The following DAAM1 variants were observed in gnomAD, a reference collection of about 807,000 sequenced individuals.
DAAM1 encodes the protein dishevelled associated activator of morphogenesis 1.
In DAAM1, 52 loss-of-function variants were observed where a neutral mutation model predicts 130.0. The observed-to-expected ratio is 0.40, with a 90% confidence interval of 0.32 to 0.50. DAAM1 has a LOEUF of 0.50. DAAM1 is among the 20% of genes least tolerant of loss of function. The pLI, the probability that DAAM1 is intolerant of heterozygous loss-of-function variation, is 0.61. For missense variants in DAAM1, 1,134 were observed against 1,303.8 expected, an observed-to-expected ratio of 0.87 and a Z score of 2.01; for synonymous variants, 452 against 444.5, an observed-to-expected ratio of 1.02 and a Z score of -0.21.
chr14:59,193,678 G>A (rs138074414), intron 1 of DAAM1, among the ~76,000 whole-genome samples: 1,770 of 152,238 alleles, frequency 0.012, 29 homozygotes, highest in Non-Finnish European at 0.014. Context: ...CTCAGCTTTG[G>A]TGAGCTTGTT....
chr14:59,220,009 G>C (rs1188784811), intron 1 of DAAM1, among the ~76,000 whole-genome samples: 3 of 152,080 alleles, frequency 2.0e-5, no homozygotes, highest in Non-Finnish European at 4.4e-5. Flanking sequence ...TATTGGTTTC[G>C]AAAAATACAG....
chr14:59,330,385 T>G, intron 12 of DAAM1, 116 bp from the exon 13 acceptor site: 1 of 935,148 alleles, frequency 1.1e-6, no homozygotes, highest in Non-Finnish European at 1.6e-6. Flanking sequence ...GAATAATATT[T>G]ACCTAATAAA....
intron 12 of DAAM1, among the ~76,000 whole-genome samples, chr14:59,327,241 T>C (rs1359533544): frequency 6.6e-6 from 1 of 152,094 alleles, no homozygotes; most frequent in East Asian, 1.9e-4. Context: ...TAGCATTTGC[T>C]GTTCAGTATT....
At chr14:59,341,881 A>C (rs1235640708) in intron 16 of DAAM1, among the ~76,000 whole-genome samples, 1 of 152,200 alleles carries the variant, frequency 6.6e-6, no homozygotes, top group Non-Finnish European at 1.5e-5. Context: ...GAGCTGTCAC[A>C]GAATTTCTAT....
chr14:59,357,571 G>A (rs1469910995), intron 20 of DAAM1, among the ~76,000 whole-genome samples: 1 of 152,206 alleles, frequency 6.6e-6, no homozygotes, highest in East Asian at 1.9e-4. Context: ...GAGGTCAGGA[G>A]ATGGAGACCA....
chr14:59,243,651 C>G (rs1881227582), intron 1 of DAAM1, among the ~76,000 whole-genome samples: 1 of 152,190 alleles, frequency 6.6e-6, no homozygotes, highest in African/African-American at 2.4e-5. Flanking sequence ...TCTTTCTGCA[C>G]AACAGCCTGG....
At chr14:59,299,209 A>G (rs1884076123) in intron 3 of DAAM1, among the ~76,000 whole-genome samples, 1 of 152,168 alleles carries the variant, frequency 6.6e-6, no homozygotes, top group Non-Finnish European at 1.5e-5. Flanking sequence ...TGTATGTGTA[A>G]TACAATTTTT....
chr14:59,313,449 A>C (rs949987849), intron 3 of DAAM1, among the ~76,000 whole-genome samples: 4 of 152,222 alleles, frequency 2.6e-5, no homozygotes, highest in Non-Finnish European at 5.9e-5. Context: ...AAACATTTCC[A>C]AACTGTAAAG....
intron 1 of DAAM1, among the ~76,000 whole-genome samples, chr14:59,197,814 G>C (rs1313529037): frequency 8.5e-5 from 13 of 152,156 alleles, no homozygotes; most frequent in Non-Finnish European, 5.9e-5. Context: ...TGGGCAGGGT[G>C]AGATGGCTGT....
At position 59,201,635 on chromosome 14, in the gene DAAM1, C is replaced by G. The variant is rs116230720; in HGVS notation, c.-38+12867C>G. Among the ~76,000 whole-genome samples, 1,018 of 151,936 alleles carry G rather than the reference C, an allele frequency of 6.7e-3. 16 individuals are homozygous for G. Among genetic ancestry groups the G allele is most frequent in the African/African-American group, 0.023 (955 of 41,446 alleles). Reference sequence around the variant, plus strand: ...CATCTCCACGCCCTGCCTCACCCCCCTTCTAAAAAAAAGTAGCTGAGCATA... The same window carrying G: ...CATCTCCACGCCCTGCCTCACCCCCGTTCTAAAAAAAAGTAGCTGAGCATA... On this transcript the variant is annotated intron_variant, in intron 1 of 24. Transcript: ENST00000360909.
chr14:59,322,983 C>T lies in DAAM1; in HGVS notation c.532C>T (p.His178Tyr). 6.2e-7 allele frequency: 1 copy of T among 1,614,168 alleles called. No individual in the cohort carries two copies. Among genetic ancestry groups the T allele is most frequent in the Non-Finnish European group, 8.5e-7 (1 of 1,180,018 alleles). ...CTACGAGACCTCAGAGTCTCGAATACATACTTCTCTCATTGGCTGTATAAA... is the reference window on the plus strand; with the variant it reads ...CTACGAGACCTCAGAGTCTCGAATATATACTTCTCTCATTGGCTGTATAAA... ...MDYETSESRI[H>Y]TSLIGCIKAL... Residue 178 changes from histidine (H) to tyrosine (Y), a missense_variant, in exon 6 of 25, where the codon CAT becomes TAT. Physicochemically the swap from His to Tyr is moderately conservative, Grantham distance 83 (BLOSUM62 2). Coordinates refer to ENST00000360909, the MANE Select transcript of DAAM1 (RefSeq NM_001270520.2).
chr14:59,275,692 A>G (rs1214613643), intron 2 of DAAM1, among the ~76,000 whole-genome samples: 1 of 152,252 alleles, frequency 6.6e-6, no homozygotes, highest in African/African-American at 2.4e-5. Flanking sequence ...AGCCAACTGA[A>G]TATAGTCTGC....
intron 17 of DAAM1, among the ~76,000 whole-genome samples, chr14:59,351,823 C>T (rs1886305046): frequency 6.6e-6 from 1 of 151,874 alleles, no homozygotes; most frequent in Admixed American, 6.6e-5. Flanking sequence ...GCATACACAT[C>T]CAAAACGTGT....
intron 2 of DAAM1, among the ~76,000 whole-genome samples, chr14:59,275,424 G>A (rs566083475): frequency 2.0e-5 from 3 of 151,806 alleles, no homozygotes; most frequent in Non-Finnish European, 2.9e-5. Flanking sequence ...CGTGTACCCC[G>A]AACTTAAAAG....
At chr14:59,219,234 C>T (rs1204964329) in intron 1 of DAAM1, among the ~76,000 whole-genome samples, 1 of 152,192 alleles carries the variant, frequency 6.6e-6, no homozygotes, top group Non-Finnish European at 1.5e-5. Flanking sequence ...GAGGAACTTA[C>T]TACCTTCCAC....
chr14:59,342,477 ACT>A (rs1187664962), intron 16 of DAAM1, among the ~76,000 whole-genome samples: 1 of 152,210 alleles, frequency 6.6e-6, no homozygotes, highest in African/African-American at 2.4e-5. Flanking sequence ...TCAGCAGTTT[ACT>A]TTTCATTCTT....
chr14:59,316,183 GTTATA>G (rs753695510), intron 4 of DAAM1, among the ~76,000 whole-genome samples: 5 of 152,266 alleles, frequency 3.3e-5, no homozygotes, highest in Admixed American at 6.5e-5. Context: ...GAGTCAATCT[GTTATA>G]TTCATGTTTA....
At chr14:59,308,508 G>A (rs924613522) in intron 3 of DAAM1, among the ~76,000 whole-genome samples, 17 of 151,982 alleles carry the variant, frequency 1.1e-4, no homozygotes, top group South Asian at 4.2e-4. Flanking sequence ...TTCAGTGTCC[G>A]GTGAATTTTT....
intron 1 of DAAM1, among the ~76,000 whole-genome samples, chr14:59,219,158 A>G (rs991014247): frequency 2.0e-5 from 3 of 152,154 alleles, no homozygotes; most frequent in South Asian, 2.1e-4. Context: ...TGGTGTCTAC[A>G]CTGAAATTTT....
Sources: gnomAD v4.1 joint callset for allele counts (sites outside exome capture counted in the v4.1 genomes callset) on GRCh38, gnomAD v4.1.1 for gene constraint, MANE v1.5 for transcripts, NCBI Gene and HGNC (gene_info 2026-07-23, HGNC 2026-07-21) for gene names.